DNAH3: variants seen among roughly 807,000 people sequenced by gnomAD.
DNAH3 encodes the protein dynein axonemal heavy chain 3.
Under a neutral mutation model 432.5 loss-of-function variants are expected in DNAH3, and 332 were observed. The observed-to-expected ratio is 0.77, with a 90% CI of 0.70 to 0.84. The LOEUF is 0.84. Among genes scored for constraint, DNAH3 ranks in the 40% least tolerant of loss-of-function variants. DNAH3 has a pLI of 0.00. For missense variants in DNAH3, 4,861 were observed against 5,114.0 expected (o/e 0.95, Z 1.51); for synonymous variants, 1,956 against 1,900.2 (o/e 1.03, Z -0.76).
At position 21,031,374 on chromosome 16, in the gene DNAH3, A is replaced by C. The variant is rs188082878; in HGVS notation, c.5198-88T>G. On this transcript the variant is annotated intron_variant, in intron 36 of 61. Transcript: ENST00000261383. ...GATGATGTCATCTCAACAACCAATCAACTTTTATAAATATGCCATATGAGG... is the reference window on the plus strand; with the variant it reads ...GATGATGTCATCTCAACAACCAATCCACTTTTATAAATATGCCATATGAGG... 3.7e-3 allele frequency: 5,615 copies of C among 1,510,212 alleles called. 16 individuals are homozygous for C. The highest frequency in any genetic ancestry group is 4.3e-3 in the Non-Finnish European group (4,812 of 1,115,228). 93.6% of individuals were successfully genotyped at this position (1,510,212 alleles called of 1,614,324 possible). A position where few individuals can be genotyped will look rare whatever the true frequency, so the allele number is the denominator to read the frequency against.
exon 14 of DNAH3, chr16:21,111,705 C>A (rs750921358): frequency 6.2e-7 from 1 of 1,614,032 alleles, no homozygotes; most frequent in Non-Finnish European, 8.5e-7. Context: ...TCACAGAGAT[C>A]ATGATTTAGG....
chr16:21,107,740 T>C (rs1359958973), intron 14 of DNAH3, among the ~76,000 whole-genome samples: 1 of 152,252 alleles, frequency 6.6e-6, no homozygotes, highest in Non-Finnish European at 1.5e-5. Flanking sequence ...CTGACGGTCT[T>C]GGCATCTTAA....
At chr16:21,157,641 A>T (rs1410156747) in intron 1 of DNAH3, among the ~76,000 whole-genome samples, 1 of 152,054 alleles carries the variant, frequency 6.6e-6, no homozygotes, top group East Asian at 1.9e-4. Context: ...GCTTTTTGTT[A>T]TCTAAAGACT....
intron 33 of DNAH3, among the ~76,000 whole-genome samples, chr16:21,038,721 G>A (rs978202877): frequency 5.9e-5 from 9 of 152,156 alleles, no homozygotes; most frequent in African/African-American, 2.2e-4. Context: ...CCAGCACAGG[G>A]CTGGGCATAA....
chr16:21,083,828 G>A (rs545140712), intron 19 of DNAH3, among the ~76,000 whole-genome samples: 31 of 152,278 alleles, frequency 2.0e-4, no homozygotes, highest in Admixed American at 1.6e-3. Flanking sequence ...TACATACACT[G>A]CAGGGAGGAA....
intron 53 of DNAH3, among the ~76,000 whole-genome samples, chr16:20,962,225 T>C (rs1263766592): frequency 2.0e-5 from 3 of 152,098 alleles, no homozygotes; most frequent in African/African-American, 4.8e-5. Flanking sequence ...GCTACTGAAA[T>C]AGTGGATCTT....
intron 40 of DNAH3, 52 bp downstream of exon 40, chr16:21,021,919 G>A: frequency 6.3e-7 from 1 of 1,594,566 alleles, no homozygotes; most frequent in African/African-American, 1.4e-5. Context: ...AAAAGAAATA[G>A]CCAAGGTAGA....
At chr16:20,943,209 T>C (rs2083894607) in intron 58 of DNAH3, among the ~76,000 whole-genome samples, 2 of 151,460 alleles carry the variant, frequency 1.3e-5, no homozygotes, top group African/African-American at 4.9e-5. Flanking sequence ...GCTTCCTGAG[T>C]AGCTGGGATT....
chr16:20,941,510 A>G, exon 59 of DNAH3: 1 of 1,614,190 alleles, frequency 6.2e-7, no homozygotes, highest in Non-Finnish European at 8.5e-7. Context: ...GGAAGCTTGG[A>G]GAGAATGTCT....
chr16:21,039,795 G>T, intron 33 of DNAH3, 57 bp downstream of exon 33: 2 of 1,277,834 alleles, frequency 1.6e-6, no homozygotes. Flanking sequence ...AATCTGCCAC[G>T]CAAAAAGCCG....
At chr16:21,079,961 T>G (rs1311433073) in intron 20 of DNAH3, among the ~76,000 whole-genome samples, 1 of 152,220 alleles carries the variant, frequency 6.6e-6, no homozygotes, top group African/African-American at 2.4e-5. Flanking sequence ...GCCTTTCATG[T>G]ATCAGAATCG....
At chr16:20,970,729 G>T (rs766614855) in intron 51 of DNAH3, among the ~76,000 whole-genome samples, 1 of 152,092 alleles carries the variant, frequency 6.6e-6, no homozygotes, top group African/African-American at 2.4e-5. Context: ...TCCTCATTAG[G>T]GGGGAAAGAA....
At chr16:21,052,877 C>T (rs9938279) in intron 28 of DNAH3, among the ~76,000 whole-genome samples, 1 of 151,880 alleles carries the variant, frequency 6.6e-6, no homozygotes, top group African/African-American at 2.4e-5. Context: ...GAAGGAAGCC[C>T]GAGAATCCAT....
At chr16:20,988,585 AT>A (rs2086342015) in intron 44 of DNAH3, among the ~76,000 whole-genome samples, 1 of 152,178 alleles carries the variant, frequency 6.6e-6, no homozygotes, top group South Asian at 2.1e-4. Context: ...GATTGCAGGC[AT>A]GAGACACCGC....
exon 30 of DNAH3, chr16:21,050,007 C>T: frequency 6.2e-7 from 1 of 1,613,778 alleles, no homozygotes; most frequent in South Asian, 1.1e-5. Flanking sequence ...CTTCAAAGCT[C>T]CCATCAGTGT....
chr16:20,984,029 G>GGAAAAAAAAAA (rs771857325), intron 48 of DNAH3, among the ~76,000 whole-genome samples: 1 of 112,156 alleles, frequency 8.9e-6, no homozygotes, highest in African/African-American at 3.5e-5. Flanking sequence ...CCTATATCCA[G>GGAAAAAAAAAA]AAAAAAAAAA....
intron 55 of DNAH3, among the ~76,000 whole-genome samples, chr16:20,953,537 C>T (rs1241244318): frequency 2.6e-5 from 4 of 151,440 alleles, no homozygotes; most frequent in Admixed American, 6.6e-5. Context: ...TGCCAGCAAA[C>T]GAAGCATGAC....
chr16:20,935,308 G>A, intron 61 of DNAH3, 40 bp downstream of exon 61: 1 of 1,609,118 alleles, frequency 6.2e-7, no homozygotes, highest in Non-Finnish European at 8.5e-7. Context: ...TGCTTTCTCT[G>A]GTCAGCCCCT....
intron 51 of DNAH3, among the ~76,000 whole-genome samples, chr16:20,970,890 A>T (rs1273671201): frequency 1.5e-5 from 2 of 136,492 alleles, no homozygotes; most frequent in African/African-American, 5.6e-5. Context: ...TTTGAGACAG[A>T]GTCTCGCTCT....
Sources: allele counts gnomAD v4.1 joint callset (sites outside exome capture counted in the v4.1 genomes callset), GRCh38; gene constraint gnomAD v4.1.1; transcripts MANE v1.5; gene names NCBI Gene and HGNC (gene_info 2026-07-23, HGNC 2026-07-21).